Variants in ZNF280C observed in about 807,000 individuals in gnomAD.
The protein encoded by ZNF280C is suppressor of hairy wing homolog 3.
In ZNF280C, 14 loss-of-function variants were observed where a neutral mutation model predicts 53.6. The observed-to-expected ratio is 0.26, with a 90% CI of 0.17 to 0.41. The LOEUF is 0.41. Among genes scored for constraint, ZNF280C ranks in the 10% least tolerant of loss-of-function variants. ZNF280C has a pLI of 1.00. For missense variants in ZNF280C, 416 were observed against 547.1 expected (o/e 0.76, Z 2.39); for synonymous variants, 203 against 181.1 (o/e 1.12, Z -0.97).
At position 130,255,504 on chromosome X, in the gene ZNF280C, A is replaced by AG. The variant is rs771620075; in HGVS notation, c.31+4914dup. The stretch of plus-strand genomic sequence containing the variant: ...AGCTCCAGAAAAAAAAAAAAGAGAG[A>AG]GAAAAAGGAGAGGAGAAGTAATCAA... On this transcript the variant is annotated intron_variant, in intron 2 of 18. Coordinates refer to ENST00000370978, the MANE Select transcript of ZNF280C (RefSeq NM_017666.5). Among the ~76,000 whole-genome samples the AG allele has an allele frequency of 4.1e-4, 45 of 110,547 alleles. No homozygotes were observed. The East Asian group carries it at 0.012, about 29-fold the overall frequency.
intron 13 of ZNF280C, 130 bp from the exon 14 acceptor site, chrX:130,216,231 C>T: frequency 3.8e-6 from 2 of 532,507 alleles, no homozygotes; most frequent in East Asian, 7.2e-5. Context: ...TCCAATGGGG[C>T]AAAAAATAGT....
chrX:130,240,145 A>G (rs963426605), intron 5 of ZNF280C, among the ~76,000 whole-genome samples: 2 of 111,808 alleles, frequency 1.8e-5, no homozygotes, highest in Non-Finnish European at 3.8e-5. Flanking sequence ...ACCTGTATGT[A>G]TAACAATAAA....
chrX:130,252,651 C>T (rs1416458953), intron 2 of ZNF280C, among the ~76,000 whole-genome samples: 13 of 108,798 alleles, frequency 1.2e-4, no homozygotes, highest in Admixed American at 8.8e-4. Flanking sequence ...ACCCAGGAGG[C>T]GGAGGTTGCA....
intron 12 of ZNF280C, among the ~76,000 whole-genome samples, chrX:130,222,418 C>T (rs2032177588): frequency 1.8e-5 from 2 of 110,365 alleles, no homozygotes; most frequent in African/African-American, 6.6e-5. Flanking sequence ...CAGTCCTTGG[C>T]ATATATTAGG....
At chrX:130,255,331 G>A (rs1364066305) in intron 2 of ZNF280C, among the ~76,000 whole-genome samples, 14 of 103,616 alleles carry the variant, frequency 1.4e-4, no homozygotes, top group East Asian at 6.0e-4. Flanking sequence ...TAGTAGAGAC[G>A]GGGTTTCACC....
chrX:130,233,839 T>C (rs1035888275), intron 8 of ZNF280C, among the ~76,000 whole-genome samples: 4 of 109,763 alleles, frequency 3.6e-5, no homozygotes, highest in African/African-American at 1.3e-4. Context: ...CAATCATACC[T>C]CAATAAAGTG....
chrX:130,255,988 T>C (rs1006087741), intron 2 of ZNF280C, among the ~76,000 whole-genome samples: 2 of 110,870 alleles, frequency 1.8e-5, no homozygotes, highest in African/African-American at 6.6e-5. Context: ...AACAGCTTAG[T>C]CAGGCATGGT....
chrX:130,243,164 T>G (rs761120374), intron 5 of ZNF280C, among the ~76,000 whole-genome samples: 16 of 111,697 alleles, frequency 1.4e-4, no homozygotes, highest in Admixed American at 1.4e-3. Flanking sequence ...GTTCACAATT[T>G]TTTGGGTTTG....
At chrX:130,228,821 T>C (rs766624912) in intron 10 of ZNF280C, among the ~76,000 whole-genome samples, 156 bp downstream of exon 10, 1 of 109,293 alleles carries the variant, frequency 9.1e-6, no homozygotes. Context: ...ACACATTTCA[T>C]CTAGGTTTAT....
intron 2 of ZNF280C, among the ~76,000 whole-genome samples, chrX:130,258,110 T>C (rs966855920): frequency 9.0e-6 from 1 of 111,399 alleles, no homozygotes; most frequent in Non-Finnish European, 1.9e-5. Context: ...AGTGCTAGAC[T>C]CTGTCTCAAA....
chrX:130,219,055 ATT>A (rs745517650), intron 13 of ZNF280C, among the ~76,000 whole-genome samples: 111 of 111,933 alleles, frequency 9.9e-4, no homozygotes, highest in African/African-American at 3.4e-3. Flanking sequence ...TTTTATATTA[ATT>A]TTGTTAATTT....
chrX:130,238,662 T>G (rs1371849824), intron 6 of ZNF280C, among the ~76,000 whole-genome samples: 1 of 111,458 alleles, frequency 9.0e-6, no homozygotes, highest in Non-Finnish European at 1.9e-5. Context: ...TTAAAACAAC[T>G]GTTTTATCTC....
In ZNF280C at chrX:130,239,581, CCTT is replaced by C. The variant is rs776773979; in HGVS notation, c.491_493del (p.Glu164del). On this transcript the variant is annotated inframe_deletion and splice_region_variant, in exon 6 of 19. Transcript: ENST00000370978. ...TTTTATGAAAGAGTGCTAAACCAAA[CCTT>C]CTCTAAAAATTGCTGGTATGTCTTG... 4.1e-5 allele frequency: 46 copies of C among 1,134,179 alleles called. No individual in the cohort carries two copies. The highest frequency in any genetic ancestry group is 6.0e-5 in the East Asian group (2 of 33,359). 93.5% of individuals were successfully genotyped at this position (1,134,179 alleles called of 1,213,427 possible).
intron 6 of ZNF280C, among the ~76,000 whole-genome samples, chrX:130,238,486 T>C (rs2032356063): frequency 9.0e-6 from 1 of 111,410 alleles, no homozygotes; most frequent in African/African-American, 3.2e-5. Flanking sequence ...CTTAAACCTG[T>C]ACCTTCCCAA....
At chrX:130,265,714 A>G (rs1422995774) in intron 1 of ZNF280C, among the ~76,000 whole-genome samples, 1 of 112,284 alleles carries the variant, frequency 8.9e-6, no homozygotes, top group Admixed American at 9.5e-5. Context: ...TAGTTTTTCT[A>G]TCTGTAAAAC....
intron 5 of ZNF280C, among the ~76,000 whole-genome samples, chrX:130,241,689 AG>A: frequency 8.9e-6 from 1 of 112,021 alleles, no homozygotes; most frequent in Middle Eastern, 4.7e-3. Context: ...GCTTGAGCCC[AG>A]GAGTTGGAGG....
chrX:130,219,991 T>C (rs1206152063), intron 13 of ZNF280C, among the ~76,000 whole-genome samples: 12 of 111,560 alleles, frequency 1.1e-4, no homozygotes, highest in Admixed American at 7.7e-4. Context: ...TTATATTCAA[T>C]AGATAAAACC....
intron 11 of ZNF280C, 56 bp downstream of exon 11, chrX:130,227,626 T>C (rs1485344071): frequency 1.2e-6 from 1 of 855,131 alleles, no homozygotes; most frequent in African/African-American, 2.0e-5. Context: ...CAATACTATT[T>C]CATGGCACAT....
intron 16 of ZNF280C, among the ~76,000 whole-genome samples, chrX:130,208,137 A>T (rs925900373): frequency 1.2e-4 from 14 of 112,028 alleles, no homozygotes; most frequent in Non-Finnish European, 2.3e-4. Context: ...AGATTTTTTT[A>T]AAAAAATTTT....
Sources: gnomAD v4.1 joint callset for allele counts (sites outside exome capture counted in the v4.1 genomes callset) on GRCh38, gnomAD v4.1.1 for gene constraint, MANE v1.5 for transcripts, NCBI Gene and HGNC (gene_info 2026-07-23, HGNC 2026-07-21) for gene names.